Variants in RPS6KA2 observed in about 807,000 individuals in gnomAD.
RPS6KA2 encodes ribosomal protein S6 kinase alpha-2.
In RPS6KA2, 42 loss-of-function variants were observed where a neutral mutation model predicts 91.8. The observed-to-expected ratio is 0.46, with a 90% CI of 0.36 to 0.59. RPS6KA2 has a LOEUF of 0.59. Ranked by LOEUF, RPS6KA2 falls within the 20% of genes least tolerant of loss-of-function variation. The pLI is 0.00. For synonymous variants in RPS6KA2, 414 were observed against 393.6 expected (o/e 1.05, Z -0.61); for missense variants, 798 against 978.5 (o/e 0.82, Z 2.46).
At chr6:166,758,643 C>T (rs139447429) in intron 2 of RPS6KA2, among the ~76,000 whole-genome samples, 219 of 152,278 alleles carry the variant, frequency 1.4e-3, no homozygotes, top group Middle Eastern at 3.4e-3. Context: ...ACAGAAGAGA[C>T]CTACCAACTG....
rs1158136538 is a variant in RPS6KA2 at position 166,451,254 on chromosome 6, G to A, written c.1076-21C>T. 5 of 1,612,788 alleles carry A rather than the reference G, an allele frequency of 3.1e-6. No individual in the cohort carries two copies. In the Admixed American group the frequency reaches 6.7e-5, roughly 22 times the overall value. On this transcript the variant is annotated intron_variant, in intron 12 of 20. Transcript: ENST00000265678. The stretch of plus-strand genomic sequence containing the variant: ...AGAGTCTGTAGGTGACAGGGGCAGA[G>A]TTCAGATGCCACGAAAGCTGGGTGA...
intron 14 of RPS6KA2, among the ~76,000 whole-genome samples, chr6:166,443,959 T>A (rs190232962): frequency 2.0e-4 from 31 of 152,296 alleles, no homozygotes; most frequent in Admixed American, 1.8e-3. Context: ...AAAATCTGCA[T>A]ACGTGGATCC....
chr6:166,653,505 ACTAAGTG>A (rs1404968245), intron 2 of RPS6KA2, among the ~76,000 whole-genome samples: 3 of 152,232 alleles, frequency 2.0e-5, no homozygotes, highest in African/African-American at 7.2e-5. Flanking sequence ...TAGACAGGCT[ACTAAGTG>A]CTGCCATCAA....
chr6:166,704,340 A>T (rs1023857574), intron 2 of RPS6KA2, among the ~76,000 whole-genome samples: 1 of 152,230 alleles, frequency 6.6e-6, no homozygotes, highest in African/African-American at 2.4e-5. Flanking sequence ...AGGAACACTG[A>T]CGAGGCATGC....
chr6:166,565,466 G>A (rs1017307172), intron 1 of RPS6KA2, among the ~76,000 whole-genome samples: 2 of 152,254 alleles, frequency 1.3e-5, no homozygotes, highest in African/African-American at 4.8e-5. Flanking sequence ...AGGCTTTGCT[G>A]GTGTGGCTGG....
chr6:166,730,966 G>A (rs867978147), intron 2 of RPS6KA2, among the ~76,000 whole-genome samples: 2 of 152,192 alleles, frequency 1.3e-5, no homozygotes, highest in Middle Eastern at 3.2e-3. Flanking sequence ...TCATCCGCCG[G>A]GTGCAGTGGC....
At chr6:166,786,161 T>A (rs1447070310) in intron 2 of RPS6KA2, among the ~76,000 whole-genome samples, 1 of 152,222 alleles carries the variant, frequency 6.6e-6, no homozygotes, top group Non-Finnish European at 1.5e-5. Context: ...ACATTTTAAG[T>A]CCTTCTGTGG....
chr6:166,666,101 G>A lies in RPS6KA2; in HGVS notation c.124-127317C>T, dbSNP rs1009756514. ...CAATCTTCTCCCAGCTGATTGATCC[G>A]CAAATGATGGCAGGAAAAAGCTGAA... On this transcript the variant is annotated intron_variant, in intron 2 of 21. Coordinates refer to the RPS6KA2 transcript ENST00000503859. The surrounding 1 kb of genome is among the most constrained non-coding windows in gnomAD (Gnocchi z 4.0). Among the ~76,000 whole-genome samples, 7 of 152,198 alleles carry A rather than the reference G, an allele frequency of 4.6e-5. No homozygotes were observed. The highest frequency in any genetic ancestry group is 3.8e-4 in the East Asian group (2 of 5,202).
At chr6:166,456,824 T>C (rs1780120682) in intron 12 of RPS6KA2, among the ~76,000 whole-genome samples, 2 of 152,210 alleles carry the variant, frequency 1.3e-5, no homozygotes, top group African/African-American at 4.8e-5. Flanking sequence ...TGTGATAAAT[T>C]AACTGAAACT....
intron 3 of RPS6KA2, among the ~76,000 whole-genome samples, chr6:166,523,144 C>T (rs909119073): frequency 7.2e-5 from 11 of 152,170 alleles, no homozygotes; most frequent in African/African-American, 2.7e-4. Context: ...CTCCACCATA[C>T]AGAGGCGGGT....
intron 2 of RPS6KA2, among the ~76,000 whole-genome samples, chr6:166,735,298 G>A (rs897369588): frequency 2.6e-5 from 4 of 152,154 alleles, no homozygotes; most frequent in African/African-American, 4.8e-5. Flanking sequence ...CTGAAACAAC[G>A]TGAACATCTA....
chr6:166,812,368 T>A (rs4710111), intron 2 of RPS6KA2, among the ~76,000 whole-genome samples: 34,067 of 151,684 alleles, frequency 0.22, 4,877 homozygotes, highest in African/African-American at 0.41. Context: ...AAAAAAGAAA[T>A]AAAGCGTCTG....
At chr6:166,862,209 T>C (rs200771907) in exon 1 of RPS6KA2, 120 of 1,613,644 alleles carry the variant, frequency 7.4e-5, no homozygotes, top group Non-Finnish European at 6.4e-5. Context: ...GTATTGATAG[T>C]AGGAAAGGAA....
Position 166,783,046 on chromosome 6 carries a change from AGGTATTATTATTATTATTATTATT to A in RPS6KA2, c.123+75130_123+75153del, listed in dbSNP as rs1184113510. ...CTAAACTTGCTGCAGGGTATCTTTT[AGGTATTATTATTATTATTATTATT>A]ATTATTATTATTATTATTATTATTA... On this transcript the variant is annotated intron_variant, in intron 2 of 21. Coordinates refer to the RPS6KA2 transcript ENST00000503859. Among the ~76,000 whole-genome samples, 199 of 139,920 alleles carry A rather than the reference AGGTATTATTATTATTATTATTATT, an allele frequency of 1.4e-3. 1 individual carries two copies. Among genetic ancestry groups the A allele is most frequent in the African/African-American group, 5.2e-3 (192 of 37,192 alleles). The allele number at this position is 139,920 out of a possible 152,430, so 91.8% of individuals were successfully genotyped here. A position where few individuals can be genotyped will look rare whatever the true frequency, so the allele number is the denominator to read the frequency against.
At chr6:166,545,346 G>A (rs1783791761) in intron 1 of RPS6KA2, among the ~76,000 whole-genome samples, 1 of 152,182 alleles carries the variant, frequency 6.6e-6, no homozygotes, top group East Asian at 1.9e-4. Flanking sequence ...TTCCAAGAGT[G>A]GTCACTGCAG....
At chr6:166,534,397 A>T (rs1165012531) in intron 2 of RPS6KA2, among the ~76,000 whole-genome samples, 8 of 152,176 alleles carry the variant, frequency 5.3e-5, no homozygotes, top group Non-Finnish European at 2.9e-5. Context: ...ACCCTGAAGA[A>T]AAAGGAAGCA....
At chr6:166,489,180 T>C (rs1583198780) in intron 9 of RPS6KA2, among the ~76,000 whole-genome samples, 2 of 152,244 alleles carry the variant, frequency 1.3e-5, no homozygotes, top group South Asian at 4.1e-4. Context: ...ATTTCCTAAT[T>C]CACTTTAATA....
chr6:166,621,467 T>C (rs1185176020), intron 1 of RPS6KA2, among the ~76,000 whole-genome samples: 1 of 152,260 alleles, frequency 6.6e-6, no homozygotes, highest in Non-Finnish European at 1.5e-5. Context: ...TAAATCACAC[T>C]GTAGCTTAAC....
At chr6:166,664,935 G>A (rs1788272695) in intron 2 of RPS6KA2, among the ~76,000 whole-genome samples, 1 of 152,132 alleles carries the variant, frequency 6.6e-6, no homozygotes, top group East Asian at 1.9e-4. Context: ...GAAACATCTG[G>A]AAGTTGAGGA....
Sources: gnomAD v4.1 joint callset for allele counts (sites outside exome capture counted in the v4.1 genomes callset) on GRCh38, gnomAD v4.1.1 for gene constraint, Gnocchi (gnomAD v3.1) non-coding constraint, MANE v1.5 for transcripts, NCBI Gene and HGNC (gene_info 2026-07-23, HGNC 2026-07-21) for gene names.